KCNQ3: variants seen among roughly 807,000 people sequenced by gnomAD.
KCNQ3 encodes potassium voltage-gated channel subfamily KQT member 3.
KCNQ3 carries 30 observed loss-of-function variants against 92.5 expected under a neutral mutation model. The observed-to-expected ratio is 0.32, with a 90% confidence interval of 0.24 to 0.44. The LOEUF is 0.44. Ranked by LOEUF, KCNQ3 falls within the 20% of genes least tolerant of loss-of-function variation. The pLI is 1.00. For synonymous variants in KCNQ3, 450 were observed against 468.8 expected, an observed-to-expected ratio of 0.96 and a Z score of 0.52; for missense variants, 913 against 1,140.3, an observed-to-expected ratio of 0.80 and a Z score of 2.87.
intron 1 of KCNQ3, among the ~76,000 whole-genome samples, chr8:132,384,880 G>T (rs2673567): frequency 0.54 from 82,428 of 152,036 alleles, 25,260 homozygotes; most frequent in African/African-American, 0.85. Flanking sequence ...CAGGATTTTG[G>T]GAGAATTAAA....
Position 132,480,422 on chromosome 8 carries a change from G to T in KCNQ3, c.111C>A (p.Gly37=). Residue 37 remains glycine, a synonymous_variant, in exon 1 of 15, where the codon GGC becomes GGA. Transcript: ENST00000388996. ...CCAGCCCCACTTTCCGCTCCTCGTC[G>T]CCGGCCGCCGCCGCGTCCCCTCCGG... ...NPAGGDAAAA[G]DEERKVGLAP... The T allele has an allele frequency of 6.8e-7, 1 of 1,468,202 alleles. No homozygotes were observed. 90.9% of individuals were successfully genotyped at this position (1,468,202 alleles called of 1,614,324 possible). A position where few individuals can be genotyped will look rare whatever the true frequency, so the allele number is the denominator to read the frequency against.
At chr8:132,156,088 C>T (rs980261956) in intron 9 of KCNQ3, among the ~76,000 whole-genome samples, 2 of 151,932 alleles carry the variant, frequency 1.3e-5, no homozygotes, top group Non-Finnish European at 2.9e-5. Context: ...ATGTGGAGAG[C>T]GACATATTAT....
At chr8:132,219,436 G>A (rs1265245406) in intron 1 of KCNQ3, among the ~76,000 whole-genome samples, 1 of 152,022 alleles carries the variant, frequency 6.6e-6, no homozygotes. Context: ...CTGGTGACTT[G>A]GTAAACCCAG....
intron 1 of KCNQ3, among the ~76,000 whole-genome samples, chr8:132,397,141 C>T (rs1361253851): frequency 2.0e-5 from 3 of 152,116 alleles, no homozygotes; most frequent in Non-Finnish European, 4.4e-5. Context: ...TGGGTGGTGG[C>T]TTAATGGGCT....
intron 1 of KCNQ3, among the ~76,000 whole-genome samples, chr8:132,452,379 C>T (rs920874147): frequency 4.6e-5 from 7 of 152,196 alleles, no homozygotes; most frequent in African/African-American, 1.4e-4. Context: ...TTCACTTAGC[C>T]TCATGTCCTC....
intron 1 of KCNQ3, among the ~76,000 whole-genome samples, chr8:132,273,964 T>C (rs1816244596): frequency 6.6e-6 from 1 of 152,190 alleles, no homozygotes. Context: ...TCAACAAGTC[T>C]CTAGGCAGTT....
chr8:132,233,095 G>A (rs1327564621), intron 1 of KCNQ3, among the ~76,000 whole-genome samples: 3 of 152,120 alleles, frequency 2.0e-5, no homozygotes, highest in African/African-American at 7.2e-5. Flanking sequence ...AATCTTATTG[G>A]TGACCTATAC....
At chr8:132,262,918 C>T (rs1208306689) in intron 1 of KCNQ3, among the ~76,000 whole-genome samples, 1 of 152,166 alleles carries the variant, frequency 6.6e-6, no homozygotes, top group Non-Finnish European at 1.5e-5. Flanking sequence ...TGAATTGACT[C>T]ATCAGTGAGT....
At chr8:132,293,216 G>A (rs1007534883) in intron 1 of KCNQ3, among the ~76,000 whole-genome samples, 4 of 152,166 alleles carry the variant, frequency 2.6e-5, no homozygotes, top group African/African-American at 9.7e-5. Context: ...AGTTCTGTGA[G>A]CTATTCTAGC....
intron 1 of KCNQ3, among the ~76,000 whole-genome samples, chr8:132,264,124 G>T (rs537374482): frequency 6.6e-5 from 10 of 152,288 alleles, no homozygotes; most frequent in African/African-American, 2.4e-4. Flanking sequence ...GTGAAATTGG[G>T]ATTCAAATTC....
chr8:132,139,789 G>A (rs1019279663), intron 11 of KCNQ3, among the ~76,000 whole-genome samples: 9 of 152,176 alleles, frequency 5.9e-5, no homozygotes, highest in Non-Finnish European at 1.2e-4. Flanking sequence ...GGTAGTTACA[G>A]ACAGAGCAGA....
chr8:132,171,112 A>G (rs1826331209), intron 7 of KCNQ3, among the ~76,000 whole-genome samples: 1 of 152,204 alleles, frequency 6.6e-6, no homozygotes, highest in Non-Finnish European at 1.5e-5. Flanking sequence ...TCAAATATAT[A>G]GGAGAACAGA....
At chr8:132,234,524 T>C (rs1814748689) in intron 1 of KCNQ3, among the ~76,000 whole-genome samples, 2 of 151,924 alleles carry the variant, frequency 1.3e-5, no homozygotes, top group African/African-American at 2.4e-5. Flanking sequence ...GGAAAGAAGA[T>C]TCAACCTGAA....
At chr8:132,402,153 C>T (rs928835992) in intron 1 of KCNQ3, among the ~76,000 whole-genome samples, 17 of 152,146 alleles carry the variant, frequency 1.1e-4, no homozygotes, top group Non-Finnish European at 2.5e-4. Context: ...GCCCAGAGAG[C>T]GTGTCCGTGT....
At chr8:132,426,775 G>A (rs968811864) in intron 1 of KCNQ3, among the ~76,000 whole-genome samples, 1 of 152,088 alleles carries the variant, frequency 6.6e-6, no homozygotes, top group African/African-American at 2.4e-5. Flanking sequence ...CTCACTACAG[G>A]TACTCCCTGG....
chr8:132,215,819 T>C (rs1814012715), intron 1 of KCNQ3, among the ~76,000 whole-genome samples: 2 of 152,190 alleles, frequency 1.3e-5, no homozygotes, highest in South Asian at 4.1e-4. Flanking sequence ...AGTTCCCCTG[T>C]GGGCAGAGGC....
intron 1 of KCNQ3, among the ~76,000 whole-genome samples, chr8:132,426,264 C>T (rs1166095175): frequency 6.6e-6 from 1 of 152,276 alleles, no homozygotes; most frequent in African/African-American, 2.4e-5. Flanking sequence ...TCCCCTCCCT[C>T]CTCCGCTCCC....
intron 1 of KCNQ3, among the ~76,000 whole-genome samples, chr8:132,472,575 G>A (rs1822320356): frequency 6.6e-6 from 1 of 152,148 alleles, no homozygotes; most frequent in African/African-American, 2.4e-5. Flanking sequence ...ATGGAGTAGA[G>A]AATAAAATGA....
intron 1 of KCNQ3, among the ~76,000 whole-genome samples, chr8:132,380,578 T>G (rs1819720228): frequency 6.6e-6 from 1 of 151,886 alleles, no homozygotes; most frequent in Non-Finnish European, 1.5e-5. Flanking sequence ...GATTTCCCTC[T>G]CCATCTCCCA....
Sources: allele counts gnomAD v4.1 joint callset (sites outside exome capture counted in the v4.1 genomes callset), GRCh38; gene constraint gnomAD v4.1.1; transcripts MANE v1.5; gene names NCBI Gene and HGNC (gene_info 2026-07-23, HGNC 2026-07-21).